Variants in SLC30A10 observed in about 807,000 individuals in gnomAD.
SLC30A10 encodes the protein solute carrier family 30 member 10.
Under a neutral mutation model 21.7 loss-of-function variants are expected in SLC30A10, and 8 were observed. The ratio of observed to expected loss-of-function variants is 0.37; its 90% confidence interval spans 0.22 to 0.67. The LOEUF is 0.67. SLC30A10 is among the 30% of genes least tolerant of loss of function. SLC30A10 has a pLI of 0.58. For missense variants in SLC30A10, 521 were observed against 642.5 expected (o/e 0.81, Z 2.04); for synonymous variants, 272 against 279.4 (o/e 0.97, Z 0.26).
rs113960985 is a variant in SLC30A10 at position 219,955,160 on chromosome 1, T to C, written n.80+3408A>G. Among the ~76,000 whole-genome samples, 505 of 152,310 alleles carry C rather than the reference T, an allele frequency of 3.3e-3. 7 individuals carry two copies. The highest frequency in any genetic ancestry group is 0.012 in the African/African-American group (487 of 41,574). On this transcript the variant is annotated intron_variant and non_coding_transcript_variant, in intron 1 of 8. Transcript: ENST00000484239. The stretch of plus-strand genomic sequence containing the variant: ...ACAAGTATCTCCTGCGATCTGGACC[T>C]ACATGTTGTTTCCACCCCTTCAACC...
chr1:219,941,402 C>T (rs1354235101), intron 1 of SLC30A10, among the ~76,000 whole-genome samples: 1 of 152,210 alleles, frequency 6.6e-6, no homozygotes, highest in Non-Finnish European at 1.5e-5. Context: ...GCAGTCACAG[C>T]AGTGAGTATA....
chr1:219,958,826 GTT>G (rs1660385618), upstream of SLC30A10, among the ~76,000 whole-genome samples: 1 of 152,188 alleles, frequency 6.6e-6, no homozygotes, highest in South Asian at 2.1e-4. Flanking sequence ...TTCTTGTGCT[GTT>G]TTATGTTACT....
Position 219,915,396 on chromosome 1 carries a change from G to C in SLC30A10, c.*53C>G, listed in dbSNP as rs1443329167. Reference sequence around the variant, plus strand: ...CCAGAAAGCTCTTTTTGTGAGCCAAGCTTGTGGTTCCAAAGTGCCTCGTCT... The same window carrying C: ...CCAGAAAGCTCTTTTTGTGAGCCAACCTTGTGGTTCCAAAGTGCCTCGTCT... On this transcript the variant is annotated 3_prime_UTR_variant, in exon 4 of 4. Transcript: ENST00000366926. 33 of 1,564,864 alleles carry C rather than the reference G, an allele frequency of 2.1e-5. No individual in the cohort carries two copies. Among genetic ancestry groups the C allele is most frequent in the Non-Finnish European group, 1.7e-6 (2 of 1,155,748 alleles).
At chr1:219,952,128 T>C (rs942835095) in intron 1 of SLC30A10, among the ~76,000 whole-genome samples, 12 of 152,160 alleles carry the variant, frequency 7.9e-5, no homozygotes, top group African/African-American at 2.7e-4. Context: ...CAAGGGATCT[T>C]ACTAATATTT....
chr1:219,942,554 G>T (rs945581472), intron 1 of SLC30A10, among the ~76,000 whole-genome samples: 2 of 152,190 alleles, frequency 1.3e-5, no homozygotes, highest in Non-Finnish European at 2.9e-5. Flanking sequence ...GTCTTCATGT[G>T]GTAATGCAGT....
At position 219,915,223 on chromosome 1, in the gene SLC30A10, A is replaced by G; in HGVS notation, c.*226T>C. 1 of 571,386 alleles carries G rather than the reference A, an allele frequency of 1.8e-6. No homozygotes were observed. Among genetic ancestry groups the G allele is most frequent in the Non-Finnish European group, 3.1e-6 (1 of 321,790 alleles). 35.4% of individuals were successfully genotyped at this position (571,386 alleles called of 1,614,324 possible). On this transcript the variant is annotated 3_prime_UTR_variant, in exon 4 of 4. Coordinates refer to ENST00000366926, the MANE Select transcript of SLC30A10 (RefSeq NM_018713.3). ...TTAGAAAATGCATGTTCAAGCTGAA[A>G]CAGTCAAAGAGCAGCATGAGACACC...
chr1:219,940,813 T>A (rs1660110143), intron 1 of SLC30A10, among the ~76,000 whole-genome samples: 2 of 152,180 alleles, frequency 1.3e-5, no homozygotes, highest in Admixed American at 1.3e-4. Context: ...CAGGCCTGGG[T>A]CGATTTTTGG....
intron 1 of SLC30A10, 25 bp from the exon 2 acceptor site, chr1:219,927,130 G>T (rs774987473): frequency 6.8e-6 from 11 of 1,612,134 alleles, no homozygotes; most frequent in African/African-American, 1.3e-5. Context: ...GAAACCTTGT[G>T]TTGTGTATAA....
At chr1:219,924,830 C>T (rs1044977454) in intron 2 of SLC30A10, among the ~76,000 whole-genome samples, 12 of 152,126 alleles carry the variant, frequency 7.9e-5, no homozygotes, top group Non-Finnish European at 1.5e-5. Context: ...CAAAGCAATC[C>T]CATAAGGTGG....
upstream of SLC30A10, among the ~76,000 whole-genome samples, chr1:219,930,015 C>G (rs983193175): frequency 6.6e-6 from 1 of 152,186 alleles, no homozygotes; most frequent in African/African-American, 2.4e-5. Flanking sequence ...GTCTCATTAT[C>G]TCATCCCATA....
In SLC30A10 at chr1:219,927,958, G is replaced by C; in HGVS notation, c.483C>G (p.Gly161=). The change falls in exon 1 of 4, where the codon GGC becomes GGG. Residue 161 remains glycine, a synonymous_variant. Transcript: ENST00000366926. ...RLQQRQQLAE[G]CVPGAFGGPQ... ...GCCCCCCGAAAGCGCCGGGGACACA[G>C]CCCTCCGCCAGCTGCTGCCGCTGCT... The C allele has an allele frequency of 6.5e-7, 1 of 1,545,966 alleles. No homozygotes were observed.
rs1184030733 is a variant in SLC30A10 at position 219,911,375 on chromosome 1, ACAT to A, written c.*4071_*4073del. Among the ~76,000 whole-genome samples, 2 of 151,846 alleles carry A rather than the reference ACAT, an allele frequency of 1.3e-5. No individual in the cohort carries two copies. The stretch of plus-strand genomic sequence containing the variant: ...GCTTACCAGGAACTAAGAAGAATTA[ACAT>A]CATCAAGTTTAAAATCGATCATTTT... On this transcript the variant is annotated 3_prime_UTR_variant, in exon 4 of 4. Coordinates refer to ENST00000366926, the MANE Select transcript of SLC30A10 (RefSeq NM_018713.3).
intron 1 of SLC30A10, among the ~76,000 whole-genome samples, chr1:219,942,717 A>C (rs115055665): frequency 0.012 from 1,793 of 152,340 alleles, 39 homozygotes; most frequent in African/African-American, 0.042. Context: ...GAATTCCCTC[A>C]GAGAAAGCTT....
At chr1:219,932,062 T>C (rs1175884727), upstream of SLC30A10, among the ~76,000 whole-genome samples, 1 of 148,658 alleles carries the variant, frequency 6.7e-6, no homozygotes, top group Non-Finnish European at 1.5e-5. Flanking sequence ...AACTCAATCA[T>C]CTTTTTTTTT....
At chr1:219,940,161 T>C (rs765722751) in intron 1 of SLC30A10, among the ~76,000 whole-genome samples, 6 of 152,150 alleles carry the variant, frequency 3.9e-5, no homozygotes, top group African/African-American at 7.2e-5. Flanking sequence ...TCTACCTTGT[T>C]TGATGGAGCA....
intron 1 of SLC30A10, among the ~76,000 whole-genome samples, chr1:219,936,667 G>A (rs1157578836): frequency 6.6e-6 from 1 of 152,170 alleles, no homozygotes; most frequent in African/African-American, 2.4e-5. Flanking sequence ...ATGTGACTTG[G>A]AGCCCCTGGT....
chr1:219,954,597 T>C (rs1660319281), intron 1 of SLC30A10, among the ~76,000 whole-genome samples: 1 of 147,974 alleles, frequency 6.8e-6, no homozygotes. Flanking sequence ...CGAGAATTGC[T>C]TGAACCGAGG....
intron 1 of SLC30A10, among the ~76,000 whole-genome samples, chr1:219,938,976 C>A (rs1207847342): frequency 1.3e-5 from 2 of 152,070 alleles, no homozygotes; most frequent in South Asian, 2.1e-4. Flanking sequence ...TTTTAACAGA[C>A]CTTAGTGAGC....
intron 1 of SLC30A10, among the ~76,000 whole-genome samples, chr1:219,944,161 A>T (rs1660154875): frequency 6.7e-6 from 1 of 149,994 alleles, no homozygotes; most frequent in Non-Finnish European, 1.5e-5. Context: ...ATTAAAAAAA[A>T]AACTGGCGGG....
Sources: gnomAD v4.1 joint callset for allele counts (sites outside exome capture counted in the v4.1 genomes callset) on GRCh38, gnomAD v4.1.1 for gene constraint, MANE v1.5 for transcripts, NCBI Gene and HGNC (gene_info 2026-07-23, HGNC 2026-07-21) for gene names.